The following ITPR1 variants were observed in gnomAD, a reference collection of about 807,000 sequenced individuals.
ITPR1 encodes inositol 1,4,5-trisphosphate receptor type 1, also known as inositol 1,4,5-trisphosphate-gated calcium channel ITPR1.
Under a neutral mutation model 318.4 loss-of-function variants are expected in ITPR1, and 96 were observed. The ratio of observed to expected loss-of-function variants is 0.30; its 90% CI spans 0.26 to 0.36. ITPR1 has a LOEUF of 0.36. Ranked by LOEUF, ITPR1 falls within the 10% of genes least tolerant of loss-of-function variation. The probability of loss-of-function intolerance (pLI) is 1.00; values close to 1 mark genes in which losing one functional copy is unlikely to be tolerated. For missense variants in ITPR1, 2,440 were observed against 3,460.2 expected (o/e 0.71, Z 7.40); for synonymous variants, 1,312 against 1,289.9 (o/e 1.02, Z -0.37).
chr3:4,766,472 G>A (rs972952807), intron 44 of ITPR1, 58 bp from the exon 45 acceptor site: 7 of 1,457,438 alleles, frequency 4.8e-6, no homozygotes, highest in Non-Finnish European at 6.7e-6. Flanking sequence ...GGTGTCATGA[G>A]TGGGGTGCAG....
At chr3:4,719,179 A>G (rs1270497434) in intron 40 of ITPR1, among the ~76,000 whole-genome samples, 5 of 152,230 alleles carry the variant, frequency 3.3e-5, no homozygotes, top group Non-Finnish European at 5.9e-5. Flanking sequence ...AGGAAATAGA[A>G]TACTGTCTGT....
chr3:4,697,077 A>C (rs1559718313), intron 33 of ITPR1, 70 bp from the exon 34 acceptor site: 2 of 1,446,742 alleles, frequency 1.4e-6, no homozygotes, highest in Non-Finnish European at 1.9e-6. Context: ...CTTGCTGTGA[A>C]GTTGAGGCAG....
intron 43 of ITPR1, 110 bp downstream of exon 43, chr3:4,733,330 C>A: frequency 7.6e-7 from 1 of 1,312,968 alleles, no homozygotes; most frequent in Non-Finnish European, 1.0e-6. Flanking sequence ...ATTTGTGTTG[C>A]AGGTGTATTT....
intron 4 of ITPR1, among the ~76,000 whole-genome samples, chr3:4,567,402 C>CT (rs1006195458): frequency 6.6e-6 from 1 of 152,128 alleles, no homozygotes; most frequent in African/African-American, 2.4e-5. Flanking sequence ...AGACCAAGTC[C>CT]TTTTTTCTTG....
chr3:4,517,953 T>G (rs1453261967), intron 3 of ITPR1, among the ~76,000 whole-genome samples: 1 of 152,260 alleles, frequency 6.6e-6, no homozygotes, highest in Non-Finnish European at 1.5e-5. Context: ...TGCCTACATC[T>G]TCCTTAATCC....
intron 4 of ITPR1, among the ~76,000 whole-genome samples, chr3:4,523,244 T>A (rs2082703210): frequency 6.6e-6 from 1 of 152,206 alleles, no homozygotes. Flanking sequence ...TGGGAGAGAT[T>A]CTAATGTACT....
At chr3:4,536,702 A>G (rs748294022) in intron 4 of ITPR1, among the ~76,000 whole-genome samples, 1 of 152,210 alleles carries the variant, frequency 6.6e-6, no homozygotes, top group Non-Finnish European at 1.5e-5. Flanking sequence ...ATTCATGTTA[A>G]TAATAGCTTA....
At chr3:4,555,827 A>C (rs906343361) in intron 4 of ITPR1, among the ~76,000 whole-genome samples, 2 of 152,204 alleles carry the variant, frequency 1.3e-5, no homozygotes, top group Non-Finnish European at 2.9e-5. Context: ...AGTATTAACC[A>C]ATTTAATCCT....
At chr3:4,600,107 A>G (rs1425709744) in intron 4 of ITPR1, among the ~76,000 whole-genome samples, 2 of 152,234 alleles carry the variant, frequency 1.3e-5, no homozygotes, top group African/African-American at 2.4e-5. Flanking sequence ...TCTTTCACAT[A>G]GCATAAGTAT....
chr3:4,593,015 G>A (rs892832617), intron 4 of ITPR1, among the ~76,000 whole-genome samples: 1 of 152,190 alleles, frequency 6.6e-6, no homozygotes, highest in East Asian at 1.9e-4. Context: ...GTGACCCATC[G>A]TCTGATAACT....
At chr3:4,718,091 TC>T (rs1289453649) in intron 40 of ITPR1, among the ~76,000 whole-genome samples, 28 of 152,218 alleles carry the variant, frequency 1.8e-4, no homozygotes, top group African/African-American at 6.5e-4. Flanking sequence ...TGACTAGTGG[TC>T]ATTTTGTTTG....
chr3:4,845,762 T>C (rs1031731450), intron 61 of ITPR1, among the ~76,000 whole-genome samples: 3 of 152,234 alleles, frequency 2.0e-5, no homozygotes, highest in African/African-American at 7.2e-5. Context: ...TTCTAAACAC[T>C]GCTTTTCTTG....
At chr3:4,684,061 T>G (rs1257453905) in intron 28 of ITPR1, among the ~76,000 whole-genome samples, 1 of 152,214 alleles carries the variant, frequency 6.6e-6, no homozygotes, top group East Asian at 1.9e-4. Context: ...ACAGACCCAC[T>G]TGGGAATTGA....
intron 4 of ITPR1, among the ~76,000 whole-genome samples, chr3:4,586,822 C>G (rs571423888): frequency 6.6e-6 from 1 of 151,258 alleles, no homozygotes; most frequent in South Asian, 2.1e-4. Context: ...ATCACTGTTT[C>G]TTGCATGAGG....
At chr3:4,745,131 C>T (rs78566789) in intron 44 of ITPR1, among the ~76,000 whole-genome samples, 27 of 146,826 alleles carry the variant, frequency 1.8e-4, no homozygotes, top group South Asian at 2.2e-4. Flanking sequence ...TCCCTCCCTC[C>T]CTCTCTTCCT....
chr3:4,784,802 C>A, intron 51 of ITPR1, among the ~76,000 whole-genome samples: 1 of 150,868 alleles, frequency 6.6e-6, no homozygotes, highest in African/African-American at 2.4e-5. Flanking sequence ...GAGGCTGAGG[C>A]ACAAGAATGG....
intron 52 of ITPR1, among the ~76,000 whole-genome samples, chr3:4,793,203 A>G (rs950178682): frequency 1.3e-5 from 2 of 152,356 alleles, no homozygotes. Flanking sequence ...TAAAAATAAG[A>G]TTCATTTCAT....
At chr3:4,836,704 T>C in intron 60 of ITPR1, 70 bp from the exon 61 acceptor site, 2 of 1,266,052 alleles carry the variant, frequency 1.6e-6, no homozygotes, top group Non-Finnish European at 2.0e-6. Flanking sequence ...AAGCTGGCCT[T>C]TCTTGTTTTT....
intron 2 of ITPR1, among the ~76,000 whole-genome samples, chr3:4,513,722 G>A (rs942515697): frequency 2.0e-5 from 3 of 152,178 alleles, no homozygotes; most frequent in South Asian, 4.1e-4. Context: ...ATCATCCGGA[G>A]TATAAGAACA....
Sources: gnomAD v4.1 joint callset for allele counts (sites outside exome capture counted in the v4.1 genomes callset) on GRCh38, gnomAD v4.1.1 for gene constraint, MANE v1.5 for transcripts, NCBI Gene and HGNC (gene_info 2026-07-23, HGNC 2026-07-21) for gene names.